The following KAZN variants were observed in gnomAD, a reference collection of about 807,000 sequenced individuals.
KAZN encodes kazrin.
A neutral mutation model predicts 87.4 loss-of-function variants in KAZN; 40 were observed. That is an observed-to-expected ratio of 0.46 (90% CI 0.36 to 0.60). KAZN has a LOEUF of 0.60. Among genes scored for constraint, KAZN ranks in the 20% least tolerant of loss-of-function variants. KAZN has a pLI of 0.00. For synonymous variants in KAZN, 466 were observed against 458.3 expected, an observed-to-expected ratio of 1.02 and a Z score of -0.22; for missense variants, 898 against 1,073.9, an observed-to-expected ratio of 0.84 and a Z score of 2.29.
At chr1:14,808,049 C>A (rs1646278960) in intron 1 of KAZN, among the ~76,000 whole-genome samples, 1 of 152,152 alleles carries the variant, frequency 6.6e-6, no homozygotes, top group Admixed American at 6.5e-5. Context: ...GGCAAATAAA[C>A]CAGTCCCACC....
intron 1 of KAZN, among the ~76,000 whole-genome samples, chr1:14,089,756 A>T (rs1643933378): frequency 6.6e-6 from 1 of 152,184 alleles, no homozygotes; most frequent in African/African-American, 2.4e-5. Context: ...TGATTGACCT[A>T]GTCTTATTTT....
chr1:14,898,994 C>T (rs148675468), intron 1 of KAZN, among the ~76,000 whole-genome samples: 3 of 152,326 alleles, frequency 2.0e-5, no homozygotes, highest in Non-Finnish European at 4.4e-5. Context: ...GGACTCAGCT[C>T]TGCTGTGGAG....
chr1:14,197,943 T>C lies in KAZN; in HGVS notation c.249+17351T>C, dbSNP rs536854693. Among the ~76,000 whole-genome samples the C allele has an allele frequency of 5.3e-5, 8 of 151,208 alleles. 1 individual carries two copies. In the East Asian group the frequency reaches 1.2e-3, roughly 22 times the overall value. ...ACATTTGTGGTCATAATGGCTGGAG[T>C]GTTTGTAGAGCTGAATAAAGACATG... On this transcript the variant is annotated intron_variant, in intron 2 of 16. Coordinates refer to the KAZN transcript ENST00000636203.
At chr1:14,999,708 C>T (rs771262968) in intron 2 of KAZN, among the ~76,000 whole-genome samples, 7 of 152,220 alleles carry the variant, frequency 4.6e-5, no homozygotes, top group Non-Finnish European at 7.3e-5. Flanking sequence ...ATTTTTAGAA[C>T]TTAAAAGTAA....
At chr1:14,179,019 C>T (rs1231461805) in intron 1 of KAZN, among the ~76,000 whole-genome samples, 1 of 152,160 alleles carries the variant, frequency 6.6e-6, no homozygotes, top group Non-Finnish European at 1.5e-5. Flanking sequence ...AGCATGTCAA[C>T]AATTTATGGA....
chr1:14,613,873 C>T (rs1678007160), intron 1 of KAZN, among the ~76,000 whole-genome samples: 1 of 152,170 alleles, frequency 6.6e-6, no homozygotes, highest in Non-Finnish European at 1.5e-5. Context: ...TTTGAGTCTT[C>T]TGCCGATTTT....
chr1:14,158,483 T>A (rs1283728580), intron 1 of KAZN, among the ~76,000 whole-genome samples: 8 of 152,190 alleles, frequency 5.3e-5, no homozygotes, highest in African/African-American at 1.9e-4. Context: ...CTCTTTGTTA[T>A]ATTTATTTGA....
At chr1:14,577,957 T>C (rs1222981556) in intron 2 of KAZN, among the ~76,000 whole-genome samples, 1 of 152,108 alleles carries the variant, frequency 6.6e-6, no homozygotes, top group Non-Finnish European at 1.5e-5. Flanking sequence ...AACCCTGTGT[T>C]CAAACTTCCC....
rs566531583 is a variant in KAZN, at chr1:14,927,517, G to A, written c.227-33167G>A. Among the ~76,000 whole-genome samples, 17 of 152,260 alleles carry A rather than the reference G, an allele frequency of 1.1e-4. No individual in the cohort carries two copies. The South Asian group carries it at 3.5e-3, about 32-fold the overall frequency. On this transcript the variant is annotated intron_variant, in intron 1 of 14. Transcript: ENST00000376030. ...TGCTGCTTAGTTTTTAGGTAGGGTG[G>A]ACAGAGGAGCACGTTCTAGAATGAA...
Position 14,174,959 on chromosome 1 carries a change from A to G in KAZN, c.92-5476A>G, listed in dbSNP as rs561587361. On this transcript the variant is annotated intron_variant, in intron 1 of 16. Coordinates refer to the KAZN transcript ENST00000636203. ...GTGTCTGCTCATGTTTAATTAGCCA[A>G]AGCAAGTCATATGGCAAAACTTAAC... Among the ~76,000 whole-genome samples, 28 of 152,314 alleles carry G rather than the reference A, an allele frequency of 1.8e-4. 1 individual carries two copies. The highest frequency in any genetic ancestry group is 6.7e-4 in the African/African-American group (28 of 41,572).
chr1:14,563,630 A>G (rs997563662), intron 2 of KAZN, among the ~76,000 whole-genome samples: 1 of 151,810 alleles, frequency 6.6e-6, no homozygotes, highest in African/African-American at 2.4e-5. Flanking sequence ...ACTCATCCCC[A>G]TCAAGTCCTT....
chr1:14,920,176 A>G (rs1207821720), intron 1 of KAZN, among the ~76,000 whole-genome samples: 47 of 150,356 alleles, frequency 3.1e-4, no homozygotes, highest in Non-Finnish European at 4.4e-5. Context: ...AGCCAAATTT[A>G]TCTTGTAGTC....
chr1:15,065,668 G>A lies in KAZN; in HGVS notation c.1137G>A (p.Lys379=), dbSNP rs1280110745. 1.9e-6 allele frequency: 3 copies of A among 1,614,126 alleles called. No homozygotes were observed. Among genetic ancestry groups the A allele is most frequent in the Admixed American group, 1.7e-5 (1 of 60,024 alleles). The change falls in exon 8 of 15, where the codon AAG becomes AAA. Residue 379 remains lysine (K), a synonymous_variant. Coordinates refer to ENST00000376030, the MANE Select transcript of KAZN (RefSeq NM_201628.3). ...EDLEDQKRKK[K]KEKMGFGSIS... The stretch of plus-strand genomic sequence containing the variant: ...TTGAAGACCAAAAACGGAAAAAGAA[G>A]AAAGAGAAGATGGGATTCGGCTCCA...
At chr1:14,726,861 C>T (rs1643407787) in intron 1 of KAZN, among the ~76,000 whole-genome samples, 1 of 152,180 alleles carries the variant, frequency 6.6e-6, no homozygotes, top group South Asian at 2.1e-4. Flanking sequence ...CTCATGCACG[C>T]TCAGCTTTGA....
chr1:14,563,594 CAG>C (rs576349321), intron 2 of KAZN, among the ~76,000 whole-genome samples: 56 of 152,128 alleles, frequency 3.7e-4, no homozygotes, highest in Non-Finnish European at 7.4e-4. Context: ...ATACCTAAGT[CAG>C]AAGCTTAGCC....
chr1:14,845,171 GTGGATGGA>G (rs145173619), intron 1 of KAZN, among the ~76,000 whole-genome samples: 19 of 149,490 alleles, frequency 1.3e-4, no homozygotes, highest in African/African-American at 3.2e-4. Context: ...GGATGGGTGG[GTGGATGGA>G]TGGATGGATG....
chr1:14,850,778 C>T (rs540089817), intron 1 of KAZN, among the ~76,000 whole-genome samples: 9 of 152,344 alleles, frequency 5.9e-5, no homozygotes, highest in African/African-American at 2.2e-4. Flanking sequence ...AAGGGAGAGG[C>T]TGCCACCTGC....
intron 2 of KAZN, among the ~76,000 whole-genome samples, chr1:14,301,278 A>G (rs146281941): frequency 6.6e-6 from 1 of 152,338 alleles, no homozygotes; most frequent in African/African-American, 2.4e-5. Flanking sequence ...TCTGCGAGTC[A>G]GACACGGTAG....
chr1:14,481,769 G>A (rs1669098596), intron 2 of KAZN, among the ~76,000 whole-genome samples: 1 of 152,206 alleles, frequency 6.6e-6, no homozygotes, highest in Admixed American at 6.5e-5. Context: ...AGAGGTGGAA[G>A]TGGCATGCTT....
Sources: gnomAD v4.1 joint callset for allele counts (sites outside exome capture counted in the v4.1 genomes callset) on GRCh38, gnomAD v4.1.1 for gene constraint, MANE v1.5 for transcripts, NCBI Gene and HGNC (gene_info 2026-07-23, HGNC 2026-07-21) for gene names.